Variants in GTF2A2 observed in about 807,000 individuals in gnomAD.
GTF2A2 encodes the protein general transcription factor IIA subunit 2.
In GTF2A2, 9 loss-of-function variants were observed where a neutral mutation model predicts 14.3. The observed-to-expected ratio is 0.63, with a 90% CI of 0.38 to 1.10. GTF2A2 has a LOEUF of 1.10. GTF2A2 is among the 50% of genes least tolerant of loss of function. The probability of loss-of-function intolerance (pLI) is 0.01; values close to 1 mark genes in which losing one functional copy is unlikely to be tolerated. For missense variants in GTF2A2, 90 were observed against 124.6 expected (o/e 0.72, Z 1.32); for synonymous variants, 56 against 46.0 (o/e 1.22, Z -0.88).
At chr15:59,653,586 T>C (rs1156762858) in intron 1 of GTF2A2, among the ~76,000 whole-genome samples, 1 of 147,774 alleles carries the variant, frequency 6.8e-6, no homozygotes, top group Non-Finnish European at 1.5e-5. Context: ...TAAGTTTTCT[T>C]GGGTCCTCTA....
intron 4 of GTF2A2, among the ~76,000 whole-genome samples, chr15:59,640,666 A>G (rs921728677): frequency 6.6e-6 from 1 of 152,230 alleles, no homozygotes. Context: ...ATTCATTTTG[A>G]TAGAGATCTA....
chr15:59,656,506 C>G (rs1891947108), intron 1 of GTF2A2, among the ~76,000 whole-genome samples: 1 of 151,646 alleles, frequency 6.6e-6, no homozygotes, highest in Non-Finnish European at 1.5e-5. Context: ...AGAATGTAAG[C>G]TCCATGAGGG....
intron 2 of GTF2A2, chr15:59,651,037 C>T (rs532365062): frequency 3.6e-6 from 1 of 280,134 alleles, no homozygotes; most frequent in African/African-American, 2.2e-5. Flanking sequence ...TTTTCCCTTA[C>T]AGTGGCTGGA....
chr15:59,650,835 A>T (rs1443173945), intron 2 of GTF2A2, 62 bp from the exon 3 acceptor site: 1 of 870,140 alleles, frequency 1.1e-6, no homozygotes, highest in Non-Finnish European at 1.9e-6. Context: ...AAGTAAATAA[A>T]AATATACAAA....
intron 4 of GTF2A2, among the ~76,000 whole-genome samples, chr15:59,639,463 A>G (rs1318842816): frequency 1.0e-4 from 4 of 39,234 alleles, no homozygotes; most frequent in Non-Finnish European, 2.3e-4. Flanking sequence ...TACTGTCCCA[A>G]ATTTTTTTTT....
chr15:59,652,119 C>T, intron 2 of GTF2A2, 87 bp downstream of exon 2: 1 of 757,144 alleles, frequency 1.3e-6, no homozygotes, highest in Non-Finnish European at 2.3e-6. Context: ...GATATTTTAC[C>T]TCATATCTCT....
At chr15:59,640,974 A>G (rs1891400503) in intron 4 of GTF2A2, among the ~76,000 whole-genome samples, 1 of 152,214 alleles carries the variant, frequency 6.6e-6, no homozygotes, top group South Asian at 2.1e-4. Flanking sequence ...AGTCCCCAAC[A>G]ATAACGCTGC....
chr15:59,639,287 G>A (rs1349976759), intron 4 of GTF2A2, 130 bp from the exon 5 acceptor site: 3 of 678,936 alleles, frequency 4.4e-6, no homozygotes, highest in African/African-American at 1.8e-5. Context: ...GGGTGGGGAA[G>A]AACAGGAGGA....
At chr15:59,654,545 G>A (rs77870187) in intron 1 of GTF2A2, among the ~76,000 whole-genome samples, 5,867 of 152,118 alleles carry the variant, frequency 0.039, 339 homozygotes, top group East Asian at 0.24. Flanking sequence ...TGCTTATTCT[G>A]TCTCCATCTA....
In GTF2A2 at chr15:59,651,903, C is replaced by T. The variant is rs569727597; in HGVS notation, c.72+303G>A. ...GGTGCTATGTTGCTTAAGCTGGTCTCAAACTTCTGGCCTCAAGCGATCCTT... is the reference window on the plus strand; with the variant it reads ...GGTGCTATGTTGCTTAAGCTGGTCTTAAACTTCTGGCCTCAAGCGATCCTT... On this transcript the variant is annotated intron_variant, in intron 2 of 4. Transcript: ENST00000396060. 2.6e-5 allele frequency: 6 copies of T among 226,890 alleles called. No homozygotes were observed. The South Asian group carries it at 4.8e-4, about 18-fold the overall frequency. The allele number at this position is 226,890 out of a possible 1,614,324, so 14.1% of individuals were successfully genotyped here.
rs1891260583 is a variant in GTF2A2, at chr15:59,638,533, CTCA to C, written c.*596_*598del. 1 of 152,162 alleles carries C rather than the reference CTCA, an allele frequency of 6.6e-6. No homozygotes were observed. Among genetic ancestry groups the C allele is most frequent in the Non-Finnish European group, 1.5e-5 (1 of 68,108 alleles). The allele number at this position is 152,162 out of a possible 1,614,324, so 9.4% of individuals were successfully genotyped here. On this transcript the variant is annotated 3_prime_UTR_variant, in exon 5 of 5. Transcript: ENST00000396060. ...TTTGTTTGGGTTTTTTTCCCCCTTC[CTCA>C]TGTTACCTGGTCTAAGAAGGAAAGT...
chr15:59,656,170 C>CA (rs1301447270), intron 1 of GTF2A2, among the ~76,000 whole-genome samples: 1 of 152,158 alleles, frequency 6.6e-6, no homozygotes, highest in African/African-American at 2.4e-5. Flanking sequence ...CCTCCACCCC[C>CA]AAAACTCTTG....
At position 59,638,684 on chromosome 15, in the gene GTF2A2, T is replaced by G. The variant is rs1891268759; in HGVS notation, c.*448A>C. On this transcript the variant is annotated 3_prime_UTR_variant, in exon 5 of 5. Transcript: ENST00000396060. ...AAAAGCAAGGGATTTTCTTAAAAAA[T>G]TCCATCCAGAGTTTGGTTTTGCCCC... is the stretch of plus-strand genomic sequence containing the variant. 6.6e-6 allele frequency: 1 copy of G among 152,540 alleles called. No homozygotes were observed. Among genetic ancestry groups the G allele is most frequent in the African/African-American group, 2.4e-5 (1 of 41,450 alleles). The allele number at this position is 152,540 out of a possible 1,614,324, so 9.4% of individuals were successfully genotyped here.
intron 3 of GTF2A2, among the ~76,000 whole-genome samples, chr15:59,649,542 A>G (rs751220894): frequency 1.3e-4 from 20 of 152,226 alleles, no homozygotes; most frequent in Non-Finnish European, 2.5e-4. Context: ...GCATATGGGT[A>G]TATAAAAAAA....
Position 59,648,990 on chromosome 15 carries a change from T to C in GTF2A2, c.177+1679A>G, listed in dbSNP as rs138457937. ...CTATAAAACAATTTAACATGCTATA[T>C]AGGATTATTCTATTCTTGTAAAGGA... On this transcript the variant is annotated intron_variant, in intron 3 of 4. Coordinates refer to ENST00000396060, the MANE Select transcript of GTF2A2 (RefSeq NM_004492.3). Among the ~76,000 whole-genome samples, 445 of 152,216 alleles carry C rather than the reference T, an allele frequency of 2.9e-3. 7 individuals are homozygous for C. The highest frequency in any genetic ancestry group is 0.026 in the Admixed American group (402 of 15,282).
At chr15:59,647,441 T>C (rs1488226265) in intron 3 of GTF2A2, among the ~76,000 whole-genome samples, 4 of 152,156 alleles carry the variant, frequency 2.6e-5, no homozygotes, top group African/African-American at 9.7e-5. Context: ...TTCTTTAAAT[T>C]CAAAAAGTTT....
chr15:59,649,208 G>C (rs1412437645), intron 3 of GTF2A2, among the ~76,000 whole-genome samples: 1 of 152,138 alleles, frequency 6.6e-6, no homozygotes, highest in African/African-American at 2.4e-5. Context: ...CTGTAACCCA[G>C]GAGTAGGGTG....
chr15:59,639,463 A>ATTTT (rs1158830832), intron 4 of GTF2A2, among the ~76,000 whole-genome samples: 1 of 39,234 alleles, frequency 2.5e-5, no homozygotes, highest in African/African-American at 6.7e-5. Context: ...TACTGTCCCA[A>ATTTT]ATTTTTTTTT....
At chr15:59,653,551 CTGACTTGTAACTGT>C (rs1891856704) in intron 1 of GTF2A2, among the ~76,000 whole-genome samples, 1 of 152,160 alleles carries the variant, frequency 6.6e-6, no homozygotes, top group Non-Finnish European at 1.5e-5. Context: ...CCTCAGCTCC[CTGACTTGTAACTGT>C]TGAACTGCCC....
Sources: gnomAD v4.1 joint callset for allele counts (sites outside exome capture counted in the v4.1 genomes callset) on GRCh38, gnomAD v4.1.1 for gene constraint, MANE v1.5 for transcripts, NCBI Gene and HGNC (gene_info 2026-07-23, HGNC 2026-07-21) for gene names.